Variants in ZBTB7C observed in about 807,000 individuals in gnomAD.
The protein encoded by ZBTB7C is zinc finger and BTB domain containing 7C, also known as zinc finger and BTB domain-containing protein 7C.
ZBTB7C carries 8 observed loss-of-function variants against 25.7 expected under a neutral mutation model. The observed-to-expected ratio is 0.31, with a 90% confidence interval of 0.18 to 0.56. The LOEUF is 0.56. Ranked by LOEUF, ZBTB7C falls within the 20% of genes least tolerant of loss-of-function variation. The probability of loss-of-function intolerance (pLI) is 0.91; values close to 1 mark genes in which losing one functional copy is unlikely to be tolerated. For missense variants in ZBTB7C, 824 were observed against 855.2 expected (o/e 0.96, Z 0.46); for synonymous variants, 394 against 369.0 (o/e 1.07, Z -0.78).
intron 2 of ZBTB7C, among the ~76,000 whole-genome samples, chr18:48,278,031 C>A (rs2044718490): frequency 6.6e-6 from 1 of 152,072 alleles, no homozygotes; most frequent in South Asian, 2.1e-4. Context: ...TAGACTATTT[C>A]CAAAGACAGC....
intron 1 of ZBTB7C, among the ~76,000 whole-genome samples, chr18:48,406,042 T>C (rs2048274105): frequency 6.6e-6 from 1 of 152,138 alleles, no homozygotes; most frequent in South Asian, 2.1e-4. Flanking sequence ...GTCACTGCTA[T>C]AGATGGTTCC....
At chr18:48,162,516 G>A (rs2041099253) in intron 3 of ZBTB7C, 1 of 417,854 alleles carries the variant, frequency 2.4e-6, no homozygotes, top group Non-Finnish European at 5.0e-6. Flanking sequence ...CCACATTTGG[G>A]GTTTGGCAGA....
At position 48,141,539 on chromosome 18, in the gene ZBTB7C, T is replaced by C. The variant is rs142543191; in HGVS notation, c.-17+44395A>G. On this transcript the variant is annotated intron_variant, in intron 3 of 4. Coordinates refer to ENST00000590800, the MANE Select transcript of ZBTB7C (RefSeq NM_001318841.2). ...ATCTTGTCTTGATGAAATTCTTCCA[T>C]TGTAGAGAAAATTCGTGAACTGGGC... 4.7e-4 allele frequency among the ~76,000 whole-genome samples: 72 copies of C among 152,100 alleles called. 2 individuals carry two copies. The East Asian group carries it at 9.5e-3, about 20-fold the overall frequency.
At chr18:48,072,654 TG>T (rs2037594778) in intron 3 of ZBTB7C, 1 of 152,254 alleles carries the variant, frequency 6.6e-6, no homozygotes, top group African/African-American at 2.4e-5. Context: ...GGGAAGTTTG[TG>T]GCAGAGATAT....
chr18:48,309,709 C>A (rs1043261729), intron 2 of ZBTB7C, among the ~76,000 whole-genome samples: 3 of 152,166 alleles, frequency 2.0e-5, no homozygotes, highest in Non-Finnish European at 4.4e-5. Flanking sequence ...AAAGGACAAC[C>A]CTTTTAAGAG....
intron 4 of ZBTB7C, among the ~76,000 whole-genome samples, chr18:48,037,399 G>A (rs1048945228): frequency 2.6e-5 from 4 of 152,202 alleles, no homozygotes; most frequent in African/African-American, 4.8e-5. Context: ...GTGCTGGGAG[G>A]GAGGAACCTG....
intron 3 of ZBTB7C, among the ~76,000 whole-genome samples, chr18:48,100,960 G>T (rs1366301710): frequency 6.6e-6 from 1 of 152,104 alleles, no homozygotes; most frequent in East Asian, 1.9e-4. Context: ...GGGAAGGCAG[G>T]TTGTAGGCTG....
intron 3 of ZBTB7C, among the ~76,000 whole-genome samples, chr18:48,078,236 T>C (rs1297011045): frequency 6.6e-6 from 1 of 152,164 alleles, no homozygotes; most frequent in Non-Finnish European, 1.5e-5. Flanking sequence ...TCAGGTCCTG[T>C]ACAAGGGAAA....
At chr18:48,033,299 T>TG (rs1176714912) in intron 4 of ZBTB7C, among the ~76,000 whole-genome samples, 2 of 151,822 alleles carry the variant, frequency 1.3e-5, no homozygotes, top group East Asian at 1.9e-4. Flanking sequence ...CAAAGGAACC[T>TG]GGGGGGCTAC....
At position 48,326,004 on chromosome 18, in the gene ZBTB7C, C is replaced by T. The variant is rs76511014; in HGVS notation, c.-79+12170G>A. On this transcript the variant is annotated intron_variant, in intron 2 of 4. Coordinates refer to ENST00000590800, the MANE Select transcript of ZBTB7C (RefSeq NM_001318841.2). ...GGACACGGTATCTTGGCAAGCATTT[C>T]GGTTAAAGTGCTGGGGGACAGAGCA... 1.6e-4 allele frequency among the ~76,000 whole-genome samples: 24 copies of T among 151,604 alleles called. No individual in the cohort carries two copies. The East Asian group carries it at 3.7e-3, about 23-fold the overall frequency.
intron 3 of ZBTB7C, chr18:48,136,865 A>G: frequency 1.3e-6 from 1 of 765,644 alleles, no homozygotes; most frequent in Non-Finnish European, 1.6e-6. Context: ...GGGTCCCCGC[A>G]GCGCGTAGCG....
Position 48,125,698 on chromosome 18 carries a change from C to G in ZBTB7C, c.-17+60236G>C, listed in dbSNP as rs117964902. Among the ~76,000 whole-genome samples the G allele has an allele frequency of 1.5e-3, 229 of 152,258 alleles. 5 individuals carry two copies. In the East Asian group the frequency reaches 0.035, roughly 23 times the overall value. ...ATCCACCAGGGAAGAACTTTTAGAC[C>G]AGGAGGGCTTCTGATGTCCTAACAT... On this transcript the variant is annotated intron_variant, in intron 3 of 4. Coordinates refer to ENST00000590800, the MANE Select transcript of ZBTB7C (RefSeq NM_001318841.2).
intron 2 of ZBTB7C, among the ~76,000 whole-genome samples, chr18:48,279,147 T>C (rs1224695530): frequency 2.0e-5 from 3 of 151,758 alleles, no homozygotes; most frequent in Admixed American, 1.3e-4. Flanking sequence ...ATGGAGACGG[T>C]CCCCCCGGCA....
chr18:48,201,774 G>GC (rs1296123922), intron 2 of ZBTB7C, among the ~76,000 whole-genome samples: 1 of 152,208 alleles, frequency 6.6e-6, no homozygotes, highest in Non-Finnish European at 1.5e-5. Flanking sequence ...ATAAAAAGCA[G>GC]CTCTTTCTAA....
At chr18:48,091,914 C>T (rs766239272) in intron 3 of ZBTB7C, among the ~76,000 whole-genome samples, 4 of 152,214 alleles carry the variant, frequency 2.6e-5, no homozygotes, top group African/African-American at 9.7e-5. Context: ...TAGGCCAGTG[C>T]TTCTCTTCAC....
chr18:48,156,538 G>C (rs1275360063), intron 3 of ZBTB7C, among the ~76,000 whole-genome samples: 1 of 152,186 alleles, frequency 6.6e-6, no homozygotes, highest in East Asian at 1.9e-4. Flanking sequence ...TCTTGGCTGT[G>C]TCCTTGCCAT....
chr18:48,238,641 G>C (rs893132099), intron 2 of ZBTB7C, among the ~76,000 whole-genome samples: 5 of 151,776 alleles, frequency 3.3e-5, no homozygotes, highest in African/African-American at 9.7e-5. Context: ...GGTCCCCAGG[G>C]AAGCCATTTC....
chr18:48,307,560 C>A (rs1047729095), intron 2 of ZBTB7C, among the ~76,000 whole-genome samples: 1 of 152,192 alleles, frequency 6.6e-6, no homozygotes, highest in Admixed American at 6.5e-5. Flanking sequence ...TGTTTAAAAC[C>A]CACCTCTGGC....
intron 3 of ZBTB7C, chr18:48,087,911 C>G (rs775750691): frequency 6.6e-6 from 1 of 151,842 alleles, no homozygotes; most frequent in Non-Finnish European, 1.5e-5. Context: ...GCCTTTTCCT[C>G]CATTTAACCT....
Sources: gnomAD v4.1 joint callset for allele counts (sites outside exome capture counted in the v4.1 genomes callset) on GRCh38, gnomAD v4.1.1 for gene constraint, MANE v1.5 for transcripts, NCBI Gene and HGNC (gene_info 2026-07-23, HGNC 2026-07-21) for gene names.